The following ADAMTS17 variants were observed in gnomAD, a reference collection of about 807,000 sequenced individuals.
ADAMTS17 encodes A disintegrin and metalloproteinase with thrombospondin motifs 17.
In ADAMTS17, 113 loss-of-function variants were observed where a neutral mutation model predicts 141.5. That is an observed-to-expected ratio of 0.80 (90% confidence interval 0.69 to 0.93). The LOEUF is 0.93. Ranked by LOEUF, ADAMTS17 falls within the 40% of genes least tolerant of loss-of-function variation. The pLI is 0.00. For synonymous variants in ADAMTS17, 768 were observed against 630.6 expected, an observed-to-expected ratio of 1.22 and a Z score of -3.27; for missense variants, 1,659 against 1,517.9, an observed-to-expected ratio of 1.09 and a Z score of -1.54.
intron 8 of ADAMTS17, among the ~76,000 whole-genome samples, chr15:100,160,961 G>C (rs1338389018): frequency 6.6e-6 from 1 of 152,168 alleles, no homozygotes; most frequent in East Asian, 1.9e-4. Context: ...TTAAGTTTAT[G>C]TCCCAGGGCA....
chr15:100,037,335 CTTTTGTTCAGTT>C (rs2030822740), intron 18 of ADAMTS17, among the ~76,000 whole-genome samples: 1 of 151,302 alleles, frequency 6.6e-6, no homozygotes. Context: ...CTGTTCAGAT[CTTTTGTTCAGTT>C]TTCAATTAGG....
chr15:99,985,481 T>C (rs536322967), intron 20 of ADAMTS17, among the ~76,000 whole-genome samples: 1 of 152,256 alleles, frequency 6.6e-6, no homozygotes, highest in African/African-American at 2.4e-5. Flanking sequence ...AGATAAGAGA[T>C]TTACACTAAA....
At chr15:100,069,562 A>G (rs2141714414) in intron 15 of ADAMTS17, among the ~76,000 whole-genome samples, 1 of 152,330 alleles carries the variant, frequency 6.6e-6, no homozygotes, top group South Asian at 2.1e-4. Flanking sequence ...AAACTCTACA[A>G]GCCAGAAGAG....
chr15:100,239,411 G>A (rs2042758556), intron 7 of ADAMTS17, among the ~76,000 whole-genome samples: 1 of 152,188 alleles, frequency 6.6e-6, no homozygotes, highest in South Asian at 2.1e-4. Flanking sequence ...CAGGGATACC[G>A]CAGTCGACCC....
chr15:100,063,046 G>A (rs1596326552), intron 15 of ADAMTS17, among the ~76,000 whole-genome samples: 1 of 152,180 alleles, frequency 6.6e-6, no homozygotes, highest in Non-Finnish European at 1.5e-5. Flanking sequence ...ACCCTCAGAA[G>A]GTCTTCTCTG....
chr15:100,190,009 T>A (rs2040860294), intron 8 of ADAMTS17, among the ~76,000 whole-genome samples: 1 of 152,146 alleles, frequency 6.6e-6, no homozygotes, highest in African/African-American at 2.4e-5. Flanking sequence ...TTCCTCTCAT[T>A]GGCTGCTGAT....
intron 3 of ADAMTS17, among the ~76,000 whole-genome samples, chr15:100,296,654 A>C (rs564495491): frequency 1.3e-4 from 20 of 152,204 alleles, no homozygotes; most frequent in African/African-American, 4.3e-4. Context: ...ATATATGATT[A>C]AGATCCCAAA....
chr15:100,255,061 G>A (rs1322294819), intron 6 of ADAMTS17, among the ~76,000 whole-genome samples: 1 of 152,170 alleles, frequency 6.6e-6, no homozygotes, highest in African/African-American at 2.4e-5. Flanking sequence ...TCCCCTGGGT[G>A]GGTGGTATCT....
chr15:99,989,483 A>T (rs1260224275), intron 20 of ADAMTS17, among the ~76,000 whole-genome samples: 1 of 152,196 alleles, frequency 6.6e-6, no homozygotes, highest in Non-Finnish European at 1.5e-5. Context: ...TGTCCAAACA[A>T]TGCTACCCTG....
chr15:99,987,454 T>G (rs958788923), intron 20 of ADAMTS17, among the ~76,000 whole-genome samples: 1 of 152,146 alleles, frequency 6.6e-6, no homozygotes, highest in African/African-American at 2.4e-5. Flanking sequence ...TTTGGGCACT[T>G]TGTCTGCTGC....
At chr15:100,261,396 T>A in intron 6 of ADAMTS17, 83 bp downstream of exon 6, 4 of 1,595,980 alleles carry the variant, frequency 2.5e-6, no homozygotes, top group Middle Eastern at 4.5e-4. Flanking sequence ...AAGCCTGAGT[T>A]CTTAACAACA....
At chr15:100,233,960 C>G (rs960325543) in intron 7 of ADAMTS17, among the ~76,000 whole-genome samples, 4 of 152,086 alleles carry the variant, frequency 2.6e-5, no homozygotes, top group African/African-American at 9.7e-5. Context: ...TAAGTGTCTT[C>G]AGAAGCTGTT....
chr15:100,327,533 T>C (rs2045934653), intron 3 of ADAMTS17, among the ~76,000 whole-genome samples: 2 of 152,102 alleles, frequency 1.3e-5, no homozygotes, highest in Admixed American at 6.5e-5. Context: ...ACCACACACA[T>C]GTGAAATACA....
chr15:100,082,913 G>A (rs1452866964), intron 15 of ADAMTS17, among the ~76,000 whole-genome samples: 1 of 152,018 alleles, frequency 6.6e-6, no homozygotes, highest in Non-Finnish European at 1.5e-5. Flanking sequence ...GCTGGGTGCA[G>A]GGAGCTGTTG....
intron 18 of ADAMTS17, among the ~76,000 whole-genome samples, chr15:100,038,971 G>A (rs1383720961): frequency 1.3e-5 from 2 of 152,140 alleles, no homozygotes; most frequent in African/African-American, 4.8e-5. Flanking sequence ...CTCTTTATTC[G>A]GTTTCAGTAG....
At chr15:100,046,962 G>A (rs1008276340) in intron 18 of ADAMTS17, among the ~76,000 whole-genome samples, 10 of 152,130 alleles carry the variant, frequency 6.6e-5, no homozygotes, top group Non-Finnish European at 1.5e-4. Flanking sequence ...GCAGAACAGA[G>A]CCATATTTCT....
chr15:100,186,237 T>A (rs2141562644), intron 8 of ADAMTS17, among the ~76,000 whole-genome samples: 1 of 152,326 alleles, frequency 6.6e-6, no homozygotes, highest in African/African-American at 2.4e-5. Context: ...ACTTAGCCGA[T>A]GTTAAATGCC....
intron 18 of ADAMTS17, among the ~76,000 whole-genome samples, chr15:100,040,281 C>T (rs1243784159): frequency 6.6e-6 from 1 of 152,200 alleles, no homozygotes; most frequent in Non-Finnish European, 1.5e-5. Context: ...CACTGTTGCC[C>T]TTACTGCACA....
intron 7 of ADAMTS17, among the ~76,000 whole-genome samples, chr15:100,208,310 T>C (rs1190418317): frequency 6.6e-6 from 1 of 152,182 alleles, no homozygotes; most frequent in East Asian, 1.9e-4. Context: ...CTTGTTCTTT[T>C]TACCTTGACT....
Sources: allele counts gnomAD v4.1 joint callset (sites outside exome capture counted in the v4.1 genomes callset), GRCh38; gene constraint gnomAD v4.1.1; transcripts MANE v1.5; gene names NCBI Gene and HGNC (gene_info 2026-07-23, HGNC 2026-07-21).